Variants in CELF5 observed in about 807,000 individuals in gnomAD.
The protein encoded by CELF5 is CUG-BP and ETR-3 like factor 5.
In CELF5, 6 loss-of-function variants were observed where a neutral mutation model predicts 54.9. The ratio of observed to expected loss-of-function variants is 0.11; its 90% CI spans 0.06 to 0.22. CELF5 has a LOEUF of 0.22. Ranked by LOEUF, CELF5 falls within the 10% of genes least tolerant of loss-of-function variation. The pLI is 1.00. For synonymous variants in CELF5, 271 were observed against 290.9 expected (o/e 0.93, Z 0.70); for missense variants, 401 against 678.6 (o/e 0.59, Z 4.54).
At chr19:3,260,964 T>C (rs897641197) in intron 2 of CELF5, among the ~76,000 whole-genome samples, 1 of 151,620 alleles carries the variant, frequency 6.6e-6, no homozygotes, top group Non-Finnish European at 1.5e-5. Flanking sequence ...AAGGTCTTGC[T>C]ACATTGCCCA....
chr19:3,232,063 A>G (rs1917293078), intron 1 of CELF5, among the ~76,000 whole-genome samples: 1 of 151,886 alleles, frequency 6.6e-6, no homozygotes, highest in Non-Finnish European at 1.5e-5. Context: ...AACCTTTACT[A>G]CCTTCCTCCT....
chr19:3,237,081 G>A (rs1445622621), intron 1 of CELF5, among the ~76,000 whole-genome samples: 3 of 151,310 alleles, frequency 2.0e-5, no homozygotes, highest in Non-Finnish European at 4.4e-5. Flanking sequence ...GGGAGGCCGA[G>A]ACGGGTGGAT....
chr19:3,290,665 G>A (rs1337396768), intron 11 of CELF5, among the ~76,000 whole-genome samples: 1 of 149,924 alleles, frequency 6.7e-6, no homozygotes, highest in Non-Finnish European at 1.5e-5. Flanking sequence ...CCGGGTTCAC[G>A]CCATTCTCCT....
At chr19:3,260,701 C>T (rs560217638) in intron 2 of CELF5, among the ~76,000 whole-genome samples, 2 of 150,212 alleles carry the variant, frequency 1.3e-5, no homozygotes, top group South Asian at 4.2e-4. Context: ...TGGCTCACTG[C>T]AAGCTCCGCC....
At chr19:3,249,174 A>AG (rs983489504) in intron 1 of CELF5, among the ~76,000 whole-genome samples, 1 of 151,758 alleles carries the variant, frequency 6.6e-6, no homozygotes, top group Non-Finnish European at 1.5e-5. Context: ...CAGGGACCAT[A>AG]GGGGGCGGGG....
chr19:3,278,553 AGTGCGT>A lies in CELF5; in HGVS notation c.603+452_603+457del, dbSNP rs1414525199. On this transcript the variant is annotated intron_variant, in intron 5 of 12. Transcript: ENST00000292672. This position sits in a 1 kb window ranked among gnomAD's most constrained non-coding sequence, Gnocchi z 4.5. ...CATTGTGTGCTAGTGTAGAGATACT[AGTGCGT>A]GTGCGTGTATGAGAGTGTACATGTG... 6.6e-6 allele frequency among the ~76,000 whole-genome samples: 1 copy of A among 151,856 alleles called. No homozygotes were observed. Among genetic ancestry groups the A allele is most frequent in the African/African-American group, 2.4e-5 (1 of 41,296 alleles).
At chr19:3,284,866 G>A (rs775763523) in intron 8 of CELF5, 36 bp from the exon 9 acceptor site, 13 of 1,599,518 alleles carry the variant, frequency 8.1e-6, no homozygotes, top group Non-Finnish European at 9.4e-6. Flanking sequence ...GACTTCTGCT[G>A]CTCCCGCCCC....
At chr19:3,290,431 A>G (rs1005825529) in intron 11 of CELF5, 57 bp downstream of exon 11, 13 of 1,592,150 alleles carry the variant, frequency 8.2e-6, no homozygotes, top group African/African-American at 1.3e-5. Context: ...GCCCCCTGAC[A>G]GGGAATGGGA....
At chr19:3,253,481 C>T (rs527401458) in intron 2 of CELF5, among the ~76,000 whole-genome samples, 1 of 152,198 alleles carries the variant, frequency 6.6e-6, no homozygotes, top group Non-Finnish European at 1.5e-5. Flanking sequence ...GCTGCTTGAG[C>T]TTCCTTACAA....
chr19:3,293,509 C>G, intron 12 of CELF5, 23 bp downstream of exon 12: 1 of 1,582,372 alleles, frequency 6.3e-7, no homozygotes, highest in Non-Finnish European at 8.6e-7. Context: ...GCGGCCCCAC[C>G]CCCGCCCAAG....
At position 3,281,369 on chromosome 19, in the gene CELF5, G is replaced by A. The variant is rs773960986; in HGVS notation, c.750+24G>A. The A allele has an allele frequency of 5.0e-6, 8 of 1,584,844 alleles. No homozygotes were observed. Among genetic ancestry groups the A allele is most frequent in the South Asian group, 3.3e-5 (3 of 90,466 alleles). On this transcript the variant is annotated intron_variant, in intron 6 of 12. Coordinates refer to ENST00000292672, the MANE Select transcript of CELF5 (RefSeq NM_021938.4). The surrounding 1 kb of genome is among the most constrained non-coding windows in gnomAD (Gnocchi z 6.5). ...CTGTGAGTGACCCAGTGACAGCTTC[G>A]GGGCTCCGGCTCCGTCTCTCTCAGT...
Position 3,278,140 on chromosome 19 carries a change from G to A in CELF5, c.603+30G>A, listed in dbSNP as rs190551535. 1.7e-3 allele frequency: 2,502 copies of A among 1,490,944 alleles called. 35 individuals are homozygous for A. In the African/African-American group the frequency reaches 0.032, roughly 19 times the overall value. The allele number at this position is 1,490,944 out of a possible 1,614,324, so 92.4% of individuals were successfully genotyped here. On this transcript the variant is annotated intron_variant, in intron 5 of 12. Coordinates refer to ENST00000292672, the MANE Select transcript of CELF5 (RefSeq NM_021938.4). This position sits in a 1 kb window ranked among gnomAD's most constrained non-coding sequence, Gnocchi z 4.5. ...GTTGGAGCTGCCCTTGGCCGTGGGGGTGGGGGTGGGAAAGGGGTGAGGGGG... is the reference window on the plus strand; with the variant it reads ...GTTGGAGCTGCCCTTGGCCGTGGGGATGGGGGTGGGAAAGGGGTGAGGGGG...
intron 2 of CELF5, among the ~76,000 whole-genome samples, chr19:3,256,967 C>G (rs1165828895): frequency 5.9e-5 from 9 of 152,050 alleles, no homozygotes; most frequent in African/African-American, 9.7e-5. Context: ...CATGGTACGT[C>G]CCACTAATTT....
Position 3,225,006 on chromosome 19 carries a change from C to T in CELF5, c.259+8C>T. The T allele has an allele frequency of 1.3e-6, 2 of 1,520,646 alleles. No homozygotes were observed. The highest frequency in any genetic ancestry group is 1.8e-6 in the Non-Finnish European group (2 of 1,129,714). 94.2% of individuals were successfully genotyped at this position (1,520,646 alleles called of 1,614,324 possible). ...ACACGGGGATGCACAAAGGTGGGCG[C>T]CCGGCCCCCTCCCCCCTCTCCCCCT... On this transcript the variant is annotated splice_region_variant and intron_variant, in intron 1 of 12. Transcript: ENST00000292672.
At position 3,275,753 on chromosome 19, in the gene CELF5, G is replaced by C; in HGVS notation, c.395-103G>C. ...GGAGCCGGCAGGGCCCGGGCGCCGC[G>C]TCTTCCTGCCCTGCCGCCTCCACTC... On this transcript the variant is annotated intron_variant, in intron 3 of 12. Transcript: ENST00000292672. This position sits in a 1 kb window ranked among gnomAD's most constrained non-coding sequence, Gnocchi z 6.7. The C allele has an allele frequency of 7.6e-7, 1 of 1,315,782 alleles. No homozygotes were observed. Among genetic ancestry groups the C allele is most frequent in the South Asian group, 1.5e-5 (1 of 65,908 alleles). The allele number at this position is 1,315,782 out of a possible 1,614,324, so 81.5% of individuals were successfully genotyped here.
At chr19:3,237,716 A>T (rs1167975030) in intron 1 of CELF5, among the ~76,000 whole-genome samples, 4 of 152,130 alleles carry the variant, frequency 2.6e-5, no homozygotes, top group Non-Finnish European at 4.4e-5. Context: ...ATCTTTTGAT[A>T]CCGTTCTGCC....
chr19:3,270,936 G>T (rs563262062), intron 2 of CELF5, among the ~76,000 whole-genome samples: 209 of 152,078 alleles, frequency 1.4e-3, no homozygotes, highest in African/African-American at 4.8e-3. Context: ...CAAGGTGGGG[G>T]TGGAGGGTTC....
chr19:3,278,998 C>T lies in CELF5; in HGVS notation c.603+888C>T, dbSNP rs751221839. On this transcript the variant is annotated intron_variant, in intron 5 of 12. Transcript: ENST00000292672. The surrounding 1 kb of genome is among the most constrained non-coding windows in gnomAD (Gnocchi z 4.5). The stretch of plus-strand genomic sequence containing the variant: ...TCCTAGGGCAGTGGGGAGCCACAGA[C>T]GGTTTAGAGCAAGGGAGGAGACAGG... Among the ~76,000 whole-genome samples, 12 of 152,124 alleles carry T rather than the reference C, an allele frequency of 7.9e-5. No homozygotes were observed. The highest frequency in any genetic ancestry group is 2.1e-4 in the South Asian group (1 of 4,834).
intron 12 of CELF5, chr19:3,294,496 T>C (rs982626664): frequency 6.6e-6 from 1 of 152,172 alleles, no homozygotes; most frequent in Non-Finnish European, 1.5e-5. Context: ...AGAAGCTGTC[T>C]GGCCTTTTCA....
Sources: gnomAD v4.1 joint callset for allele counts (sites outside exome capture counted in the v4.1 genomes callset) on GRCh38, gnomAD v4.1.1 for gene constraint, Gnocchi (gnomAD v3.1) non-coding constraint, MANE v1.5 for transcripts, NCBI Gene and HGNC (gene_info 2026-07-23, HGNC 2026-07-21) for gene names.